PAM: variants seen among roughly 807,000 people sequenced by gnomAD.
PAM encodes the protein peptidyl-glycine alpha-amidating monooxygenase.
PAM carries 72 observed loss-of-function variants against 122.1 expected under a neutral mutation model. That is an observed-to-expected ratio of 0.59 (90% CI 0.49 to 0.72). The LOEUF (loss-of-function observed/expected upper bound fraction) is 0.72. Among genes scored for constraint, PAM ranks in the 30% least tolerant of loss-of-function variants. The pLI is 0.00. For synonymous variants in PAM, 389 were observed against 404.4 expected, an observed-to-expected ratio of 0.96 and a Z score of 0.46; for missense variants, 1,106 against 1,183.7, an observed-to-expected ratio of 0.93 and a Z score of 0.96.
At chr5:102,965,366 A>C (rs1360599783) in intron 14 of PAM, among the ~76,000 whole-genome samples, 1 of 151,694 alleles carries the variant, frequency 6.6e-6, no homozygotes, top group Non-Finnish European at 1.5e-5. Context: ...TGAAACTAAG[A>C]AGCTTACTAG....
At chr5:102,869,439 C>G (rs1786665030) in intron 3 of PAM, among the ~76,000 whole-genome samples, 1 of 152,128 alleles carries the variant, frequency 6.6e-6, no homozygotes, top group African/African-American at 2.4e-5. Flanking sequence ...GTTATGTTAG[C>G]CTTTCTGGTT....
downstream of PAM, chr5:103,029,841 T>C (rs1232451895): frequency 6.6e-6 from 1 of 152,198 alleles, no homozygotes; most frequent in Non-Finnish European, 1.5e-5. Context: ...GAAATGTGTG[T>C]ATTGTACAAA....
In PAM at chr5:102,857,493, G is replaced by T. The variant is rs777628298; in HGVS notation, c.-373-8330G>T. The stretch of plus-strand genomic sequence containing the variant: ...TCTTTTGGATCAATTTGAACCATAG[G>T]CATAGGACTTCGATTTGTTACCTAC... On this transcript the variant is annotated intron_variant, in intron 1 of 25. Transcript: ENST00000438793. Among the ~76,000 whole-genome samples the T allele has an allele frequency of 7.2e-5, 11 of 152,180 alleles. 1 individual carries two copies. The highest frequency in any genetic ancestry group is 1.5e-4 in the Non-Finnish European group (10 of 68,028).
chr5:102,992,626 T>C (rs1311729230), intron 16 of PAM, among the ~76,000 whole-genome samples: 1 of 152,104 alleles, frequency 6.6e-6, no homozygotes, highest in Non-Finnish European at 1.5e-5. Context: ...TTTTTGTCCT[T>C]CATTAAAAAT....
chr5:102,943,852 C>T (rs1182321077), intron 7 of PAM, among the ~76,000 whole-genome samples: 2 of 152,142 alleles, frequency 1.3e-5, no homozygotes. Context: ...CAAAGGCAAG[C>T]CCAGACCCTT....
At chr5:102,824,471 T>C (rs977997169) in intron 1 of PAM, among the ~76,000 whole-genome samples, 2 of 152,230 alleles carry the variant, frequency 1.3e-5, no homozygotes, top group Non-Finnish European at 2.9e-5. Flanking sequence ...AACTTCCTTA[T>C]ACCAAATACA....
At chr5:102,846,318 C>T (rs74646885) in intron 1 of PAM, among the ~76,000 whole-genome samples, 1,990 of 152,286 alleles carry the variant, frequency 0.013, 15 homozygotes, top group Middle Eastern at 0.024. Context: ...GCATGGATCA[C>T]GAGGTCCTTT....
intron 1 of PAM, among the ~76,000 whole-genome samples, chr5:102,857,423 T>C (rs1270148029): frequency 1.3e-5 from 2 of 152,116 alleles, no homozygotes; most frequent in Non-Finnish European, 2.9e-5. Flanking sequence ...AGCTCAAATA[T>C]GGGGGAGGAG....
chr5:103,017,748 C>T (rs1030454028), intron 22 of PAM, among the ~76,000 whole-genome samples: 4 of 152,186 alleles, frequency 2.6e-5, no homozygotes, highest in African/African-American at 4.8e-5. Context: ...GGGCTGACTT[C>T]TTTCCATAAA....
intron 12 of PAM, among the ~76,000 whole-genome samples, chr5:102,959,268 T>G (rs1761773535): frequency 6.6e-6 from 1 of 152,124 alleles, no homozygotes; most frequent in African/African-American, 2.4e-5. Context: ...AACCCTGCTA[T>G]AAAAGCCTAG....
At chr5:102,949,645 A>G in intron 10 of PAM, 28 bp downstream of exon 10, 1 of 1,053,632 alleles carries the variant, frequency 9.5e-7, no homozygotes, top group Non-Finnish European at 1.5e-6. Flanking sequence ...TAAATTATAA[A>G]TATTTACCAT....
In PAM at chr5:103,028,182, C is replaced by A. The variant is rs1490013739; in HGVS notation, c.2690-3C>A. The A allele has an allele frequency of 6.2e-7, 1 of 1,610,620 alleles. No homozygotes were observed. The highest frequency in any genetic ancestry group is 1.7e-5 in the Admixed American group (1 of 59,912). Reference sequence around the variant, plus strand: ...TTTGAAATGTGCCATCTTTTTTTAGCAGATTCTGAACACAAACTCGAGACG... The same window carrying A: ...TTTGAAATGTGCCATCTTTTTTTAGAAGATTCTGAACACAAACTCGAGACG... On this transcript the variant is annotated splice_region_variant and splice_polypyrimidine_tract_variant and intron_variant, in intron 24 of 25. Transcript: ENST00000438793.
chr5:103,025,089 C>A, intron 23 of PAM, 42 bp from the exon 24 acceptor site: 7 of 1,450,724 alleles, frequency 4.8e-6, no homozygotes, highest in Non-Finnish European at 6.8e-6. Context: ...GTTTTGAAAT[C>A]TTTGAGTCAG....
chr5:102,758,073 GTTT>G lies in PAM; in HGVS notation c.-374+2758_-374+2760del, dbSNP rs1168917285. ...AAAAAAAAAAAAGACTTAGAATTTT[GTTT>G]TTTTTTTTTTTTTTTTTTTTTTTTT... is the stretch of plus-strand genomic sequence containing the variant. On this transcript the variant is annotated intron_variant, in intron 1 of 25. Transcript: ENST00000438793. Among the ~76,000 whole-genome samples the G allele has an allele frequency of 6.0e-3, 149 of 24,836 alleles. 6 individuals carry two copies. Among genetic ancestry groups the G allele is most frequent in the African/African-American group, 0.015 (135 of 8,936 alleles). The allele number at this position is 24,836 out of a possible 152,430, so 16.3% of individuals were successfully genotyped here.
chr5:102,893,354 C>T (rs537703197), intron 3 of PAM, among the ~76,000 whole-genome samples: 1 of 151,810 alleles, frequency 6.6e-6, no homozygotes, highest in East Asian at 2.0e-4. Context: ...CTCCCTTTCC[C>T]AGCTTAGCTT....
intron 1 of PAM, among the ~76,000 whole-genome samples, chr5:102,819,885 C>G (rs558479598): frequency 2.0e-5 from 3 of 152,150 alleles, no homozygotes; most frequent in Admixed American, 1.3e-4. Flanking sequence ...ATCAACACTC[C>G]TCTCTGCTGA....
chr5:103,025,434 G>A, intron 24 of PAM, 100 bp downstream of exon 24: 2 of 908,036 alleles, frequency 2.2e-6, no homozygotes, highest in East Asian at 2.4e-5. Context: ...CACTGTATTT[G>A]TTTTTTTGTT....
At chr5:102,978,547 G>A (rs1421295881) in intron 15 of PAM, among the ~76,000 whole-genome samples, 1 of 152,134 alleles carries the variant, frequency 6.6e-6, no homozygotes, top group Non-Finnish European at 1.5e-5. Context: ...ATACTTGCAT[G>A]TGGAAGCCTG....
intron 16 of PAM, among the ~76,000 whole-genome samples, chr5:103,002,037 TACAC>T (rs1312807454): frequency 1.3e-5 from 2 of 151,486 alleles, no homozygotes; most frequent in Non-Finnish European, 3.0e-5. Context: ...CACACACACA[TACAC>T]ACACACCCCC....
Sources: allele counts gnomAD v4.1 joint callset (sites outside exome capture counted in the v4.1 genomes callset), GRCh38; gene constraint gnomAD v4.1.1; transcripts MANE v1.5; gene names NCBI Gene and HGNC (gene_info 2026-07-23, HGNC 2026-07-21).